Variants in CALN1 observed in about 807,000 individuals in gnomAD.
CALN1 encodes calneuron 1, also known as calcium-binding protein 8.
A neutral mutation model predicts 30.6 loss-of-function variants in CALN1; 17 were observed. The ratio of observed to expected loss-of-function variants is 0.56; its 90% CI spans 0.38 to 0.83. The LOEUF is 0.83. CALN1 is among the 40% of genes least tolerant of loss of function. The probability of loss-of-function intolerance (pLI) is 0.00; values close to 1 mark genes in which losing one functional copy is unlikely to be tolerated. For synonymous variants in CALN1, 156 were observed against 131.4 expected (o/e 1.19, Z -1.28); for missense variants, 291 against 354.9 (o/e 0.82, Z 1.45).
intron 5 of CALN1, among the ~76,000 whole-genome samples, chr7:71,923,782 C>T (rs1345646872): frequency 8.0e-6 from 1 of 125,536 alleles, no homozygotes; most frequent in Non-Finnish European, 1.6e-5. Context: ...TTTAGAGCAC[C>T]ACAATAGACC....
At chr7:72,319,935 G>A (rs1376143911) in intron 2 of CALN1, among the ~76,000 whole-genome samples, 1 of 152,072 alleles carries the variant, frequency 6.6e-6, no homozygotes, top group East Asian at 1.9e-4. Context: ...TACACTAACA[G>A]CCCAGACTTC....
At chr7:72,372,797 T>C (rs1468431332) in intron 2 of CALN1, among the ~76,000 whole-genome samples, 1 of 152,102 alleles carries the variant, frequency 6.6e-6, no homozygotes, top group Non-Finnish European at 1.5e-5. Flanking sequence ...TTCTACATTA[T>C]CCATGACCCT....
rs1287091997 is a variant in CALN1 at position 71,812,929 on chromosome 7, C to CATCATTATT, written c.502-2438_502-2437insAATAATGAT. On this transcript the variant is annotated intron_variant, in intron 5 of 6. Coordinates refer to ENST00000395275, the MANE Select transcript of CALN1 (RefSeq NM_031468.4). ...CAGCTATTTTATTTATCATCATCAT[C>CATCATTATT]ATTATTATTATTATTATTATTATTA... 9.3e-3 allele frequency among the ~76,000 whole-genome samples: 1,273 copies of CATCATTATT among 136,476 alleles called. 11 individuals carry two copies. The highest frequency in any genetic ancestry group is 0.038 in the Middle Eastern group (10 of 264). 89.5% of individuals were successfully genotyped at this position (136,476 alleles called of 152,430 possible). A position where few individuals can be genotyped will look rare whatever the true frequency, so the allele number is the denominator to read the frequency against.
At chr7:72,115,753 T>C (rs1433374849) in intron 3 of CALN1, among the ~76,000 whole-genome samples, 3 of 152,010 alleles carry the variant, frequency 2.0e-5, no homozygotes, top group African/African-American at 7.2e-5. Context: ...CCCAAAGTGC[T>C]AGGATTACAG....
intron 3 of CALN1, among the ~76,000 whole-genome samples, chr7:72,124,353 A>G (rs1264745390): frequency 6.6e-6 from 1 of 152,260 alleles, no homozygotes; most frequent in Non-Finnish European, 1.5e-5. Context: ...TTGGAAAATT[A>G]AAAAGCAGAG....
intron 3 of CALN1, among the ~76,000 whole-genome samples, chr7:72,223,338 C>T (rs1446423119): frequency 2.0e-5 from 3 of 152,048 alleles, no homozygotes; most frequent in Non-Finnish European, 4.4e-5. Context: ...AGGGAAAATA[C>T]AAAGGAAACA....
chr7:72,091,488 T>C (rs1385304800), intron 4 of CALN1, among the ~76,000 whole-genome samples: 2 of 152,230 alleles, frequency 1.3e-5, no homozygotes, highest in Admixed American at 1.3e-4. Flanking sequence ...CATATGCTTG[T>C]ATCAAAATAT....
At chr7:72,164,224 C>T (rs547100988) in intron 3 of CALN1, among the ~76,000 whole-genome samples, 20 of 151,770 alleles carry the variant, frequency 1.3e-4, no homozygotes, top group African/African-American at 2.7e-4. Flanking sequence ...AAAAATTAGC[C>T]GGGCATGGTG....
intron 3 of CALN1, among the ~76,000 whole-genome samples, chr7:72,232,299 T>C (rs1296217736): frequency 6.6e-6 from 1 of 152,080 alleles, no homozygotes; most frequent in African/African-American, 2.4e-5. Context: ...GTAATCCAGG[T>C]CCGGGAAGAA....
At chr7:72,045,364 T>TC (rs973975080) in intron 4 of CALN1, among the ~76,000 whole-genome samples, 12 of 152,276 alleles carry the variant, frequency 7.9e-5, no homozygotes, top group African/African-American at 2.6e-4. Context: ...TGGCATCTTG[T>TC]CCCCCTTCCC....
the CALN1 span, among the ~76,000 whole-genome samples, chr7:72,458,951 C>A: frequency 6.8e-6 from 1 of 147,612 alleles, no homozygotes. Flanking sequence ...TACTCTGTCG[C>A]CCAGTGTGGA....
At chr7:72,276,640 C>T (rs1020997298) in intron 3 of CALN1, among the ~76,000 whole-genome samples, 1 of 151,768 alleles carries the variant, frequency 6.6e-6, no homozygotes, top group Admixed American at 6.6e-5. Context: ...GGGGGGAGTT[C>T]ATTATCCAGA....
At chr7:71,904,525 G>A (rs928940333) in intron 5 of CALN1, among the ~76,000 whole-genome samples, 14 of 152,172 alleles carry the variant, frequency 9.2e-5, no homozygotes, top group African/African-American at 3.4e-4. Context: ...TAGAATGGTG[G>A]TTATCAGAGA....
At chr7:72,397,714 T>TCACACACACACACACACACACACACACA (rs3138810) in intron 2 of CALN1, among the ~76,000 whole-genome samples, 1 of 142,806 alleles carries the variant, frequency 7.0e-6, no homozygotes, top group Admixed American at 7.0e-5. Flanking sequence ...CCATTCTCTC[T>TCACACACACACACACACACACACACACA]CACACACACA....
intron 4 of CALN1, among the ~76,000 whole-genome samples, chr7:72,025,445 T>C (rs1368571736): frequency 2.0e-5 from 3 of 152,258 alleles, no homozygotes; most frequent in African/African-American, 4.8e-5. Context: ...TCTTTGTATA[T>C]TGAACACCAA....
At chr7:71,878,060 C>G (rs558264429) in intron 5 of CALN1, among the ~76,000 whole-genome samples, 5 of 152,234 alleles carry the variant, frequency 3.3e-5, no homozygotes, top group Middle Eastern at 3.4e-3. Flanking sequence ...CCAGGTGACG[C>G]TGATGGTGGC....
intron 5 of CALN1, among the ~76,000 whole-genome samples, chr7:71,833,064 C>T (rs1789387142): frequency 6.6e-6 from 1 of 152,166 alleles, no homozygotes; most frequent in Non-Finnish European, 1.5e-5. Context: ...TCTGGAACAC[C>T]ATTCTCTGAC....
At chr7:72,236,453 T>C (rs944759916) in intron 3 of CALN1, among the ~76,000 whole-genome samples, 4 of 152,198 alleles carry the variant, frequency 2.6e-5, no homozygotes, top group East Asian at 1.9e-4. Context: ...ACAGTCAATA[T>C]GGAGGCTCAT....
upstream of CALN1, among the ~76,000 whole-genome samples, chr7:72,415,788 G>C (rs1404026529): frequency 6.6e-6 from 1 of 152,084 alleles, no homozygotes; most frequent in Non-Finnish European, 1.5e-5. Context: ...GAGGGTACGG[G>C]GGGCGCGGGG....
Sources: allele counts gnomAD v4.1 joint callset (sites outside exome capture counted in the v4.1 genomes callset), GRCh38; gene constraint gnomAD v4.1.1; transcripts MANE v1.5; gene names NCBI Gene and HGNC (gene_info 2026-07-23, HGNC 2026-07-21).